The following MED14 variants were observed in gnomAD, a reference collection of about 807,000 sequenced individuals.
MED14 encodes the protein mediator complex subunit 14.
In MED14, 8 loss-of-function variants were observed where a neutral mutation model predicts 109.0. The ratio of observed to expected loss-of-function variants is 0.07; its 90% CI spans 0.04 to 0.13. The LOEUF (loss-of-function observed/expected upper bound fraction) is 0.13, where lower values mean the gene tolerates loss of function less well. Among genes scored for constraint, MED14 ranks in the 10% least tolerant of loss-of-function variants. The probability of loss-of-function intolerance (pLI) is 1.00; values close to 1 mark genes in which losing one functional copy is unlikely to be tolerated. For missense variants in MED14, 711 were observed against 1,142.4 expected, an observed-to-expected ratio of 0.62 and a Z score of 5.44; for synonymous variants, 399 against 408.7, an observed-to-expected ratio of 0.98 and a Z score of 0.29.
chrX:40,717,601 C>G (rs911562158), intron 3 of MED14, among the ~76,000 whole-genome samples: 1 of 111,468 alleles, frequency 9.0e-6, no homozygotes, highest in Non-Finnish European at 1.9e-5. Context: ...CTGCTCACTG[C>G]GACCTCCACC....
chrX:40,686,738 A>G (rs895589395), intron 16 of MED14, among the ~76,000 whole-genome samples: 3 of 111,984 alleles, frequency 2.7e-5, no homozygotes, highest in Non-Finnish European at 5.6e-5. Context: ...CAGACAGAGG[A>G]ATTCAATAAA....
rs186834851 is a variant in MED14, at chrX:40,703,008, A to G, written c.1411+436T>C. ...TTAATTTCTACTGTGTTTAGGCCAGAAAAAAAAATCCTTTCCTCCAGGATT... is the reference window on the plus strand; with the variant it reads ...TTAATTTCTACTGTGTTTAGGCCAGGAAAAAAAATCCTTTCCTCCAGGATT... On this transcript the variant is annotated intron_variant, in intron 11 of 30. Transcript: ENST00000324817. Among the ~76,000 whole-genome samples the G allele has an allele frequency of 1.7e-3, 192 of 111,054 alleles. 2 individuals are homozygous for G. The highest frequency in any genetic ancestry group is 5.7e-3 in the African/African-American group (173 of 30,615).
At chrX:40,726,717 T>C (rs1569299281) in intron 3 of MED14, 29 bp downstream of exon 3, 1 of 1,117,553 alleles carries the variant, frequency 8.9e-7, no homozygotes, top group Non-Finnish European at 1.2e-6. Flanking sequence ...AGTTATTTTA[T>C]ACAAAGTAAA....
At chrX:40,712,133 G>A in intron 7 of MED14, 53 bp downstream of exon 7, 1 of 917,703 alleles carries the variant, frequency 1.1e-6, no homozygotes, top group Non-Finnish European at 1.5e-6. Context: ...AAAAATGTGG[G>A]AGAGGTACCA....
chrX:40,673,778 G>A (rs894007939), intron 22 of MED14, among the ~76,000 whole-genome samples: 2 of 108,380 alleles, frequency 1.8e-5, no homozygotes, highest in African/African-American at 6.8e-5. Context: ...CCTGGGAGGC[G>A]GAGGCTGTGG....
At chrX:40,714,300 T>G (rs1931438179) in intron 4 of MED14, among the ~76,000 whole-genome samples, 1 of 112,069 alleles carries the variant, frequency 8.9e-6, no homozygotes, top group South Asian at 3.7e-4. Flanking sequence ...ATGTTATGTC[T>G]GCACATCCGC....
intron 24 of MED14, 100 bp downstream of exon 24, chrX:40,666,620 C>G: frequency 3.3e-6 from 3 of 917,596 alleles, no homozygotes; most frequent in Middle Eastern, 4.0e-4. Flanking sequence ...GCTACTTCCT[C>G]AATAAACAAG....
intron 28 of MED14, 27 bp downstream of exon 28, chrX:40,659,200 C>T (rs1368152211): frequency 9.4e-7 from 1 of 1,065,424 alleles, no homozygotes; most frequent in East Asian, 3.4e-5. Context: ...ACAAACCTTG[C>T]TAGAAATGTA....
chrX:40,688,340 C>A, intron 16 of MED14, 114 bp downstream of exon 16: 1 of 510,955 alleles, frequency 2.0e-6, no homozygotes, highest in Non-Finnish European at 3.4e-6. Flanking sequence ...ATGCAGAAAT[C>A]CACAACACCC....
At position 40,655,513 on chromosome X, in the gene MED14, C is replaced by T. The variant is rs143594564; in HGVS notation, c.3973-453G>A. 2.5e-3 allele frequency among the ~76,000 whole-genome samples: 276 copies of T among 111,911 alleles called. 1 individual carries two copies. Among genetic ancestry groups the T allele is most frequent in the African/African-American group, 8.6e-3 (265 of 30,749 alleles). ...ACAAATGTTCAGTGACATTTAGTGA[C>T]ACATGCTATCCCCCTACCACCCACA... is the stretch of plus-strand genomic sequence containing the variant. On this transcript the variant is annotated intron_variant, in intron 28 of 30. Coordinates refer to ENST00000324817, the MANE Select transcript of MED14 (RefSeq NM_004229.4).
At chrX:40,657,949 G>T (rs1209545570) in intron 28 of MED14, among the ~76,000 whole-genome samples, 1 of 108,738 alleles carries the variant, frequency 9.2e-6, no homozygotes, top group Non-Finnish European at 1.9e-5. Context: ...GTGCCACCAT[G>T]CCTGGCTAAT....
intron 11 of MED14, among the ~76,000 whole-genome samples, chrX:40,702,353 T>G (rs999811842): frequency 6.8e-5 from 7 of 102,711 alleles, no homozygotes; most frequent in Non-Finnish European, 1.4e-4. Flanking sequence ...TTTGTTTTTT[T>G]TTTTTTTTTT....
chrX:40,735,591 C>A (rs749491233), upstream of MED14: 1 of 522,552 alleles, frequency 1.9e-6, no homozygotes, highest in Admixed American at 2.7e-5. Context: ...GCGAGAAGTC[C>A]GCCGACCCCA....
At chrX:40,654,603 ATCTG>A in intron 29 of MED14, 47 bp from the exon 30 acceptor site, 1 of 1,127,081 alleles carries the variant, frequency 8.9e-7, no homozygotes, top group Non-Finnish European at 1.2e-6. Context: ...ATCATAAAAC[ATCTG>A]TCTAAATGTA....
At chrX:40,693,536 A>G (rs1348344948) in intron 13 of MED14, among the ~76,000 whole-genome samples, 1 of 111,778 alleles carries the variant, frequency 8.9e-6, no homozygotes, top group Non-Finnish European at 1.9e-5. Context: ...TGTGAGTCCA[A>G]TTAAACCTCT....
intron 14 of MED14, 59 bp from the exon 15 acceptor site, chrX:40,692,376 C>T (rs965200131): frequency 1.3e-4 from 115 of 905,785 alleles, no homozygotes; most frequent in Non-Finnish European, 1.7e-4. Context: ...ACATGTGATG[C>T]AATTCATTAA....
intron 4 of MED14, 55 bp from the exon 5 acceptor site, chrX:40,713,962 T>C: frequency 8.9e-7 from 1 of 1,128,214 alleles, no homozygotes; most frequent in Non-Finnish European, 1.2e-6. Flanking sequence ...ATTTTTTTTT[T>C]CAATCTTTTC....
Position 40,711,249 on chromosome X carries a change from C to T in MED14, c.942G>A (p.Met314Ile). 8.3e-7 allele frequency: 1 copy of T among 1,205,976 alleles called. No individual in the cohort carries two copies. The highest frequency in any genetic ancestry group is 2.3e-4 in the Middle Eastern group (1 of 4,340). ...GGTCTCCCCACCGTTCTCGGATTAA[C>T]ATTAGAGTTTGGGAATGTAACACTT... ...QLEVLHSQTL[M>I]LIRERWGDLV... The change falls in exon 8 of 31, where the codon ATG becomes ATA. Residue 314 changes from methionine (M) to isoleucine (I), a missense_variant. By Grantham distance (10) the Met-to-Ile change is conservative. Coordinates refer to ENST00000324817, the MANE Select transcript of MED14 (RefSeq NM_004229.4).
intron 3 of MED14, among the ~76,000 whole-genome samples, chrX:40,723,993 A>G (rs1931820019): frequency 8.9e-6 from 1 of 111,952 alleles, no homozygotes; most frequent in African/African-American, 3.2e-5. Flanking sequence ...GACTGAAAAT[A>G]AAGGGATGGG....
Sources: gnomAD v4.1 joint callset for allele counts (sites outside exome capture counted in the v4.1 genomes callset) on GRCh38, gnomAD v4.1.1 for gene constraint, MANE v1.5 for transcripts, NCBI Gene and HGNC (gene_info 2026-07-23, HGNC 2026-07-21) for gene names.